Variants in IGSF22 observed in about 807,000 individuals in gnomAD.
IGSF22 encodes immunoglobulin superfamily member 22.
Under a neutral mutation model 127.0 loss-of-function variants are expected in IGSF22, and 119 were observed. The observed-to-expected ratio is 0.94, with a 90% confidence interval of 0.81 to 1.09. The LOEUF (loss-of-function observed/expected upper bound fraction) is 1.09. Among genes scored for constraint, IGSF22 ranks in the 50% least tolerant of loss-of-function variants. IGSF22 has a pLI of 0.00. For missense variants in IGSF22, 1,518 were observed against 1,716.6 expected, an observed-to-expected ratio of 0.88 and a Z score of 2.04; for synonymous variants, 568 against 664.7, an observed-to-expected ratio of 0.85 and a Z score of 2.24.
intron 7 of IGSF22, among the ~76,000 whole-genome samples, chr11:18,718,965 A>G (rs1032547811): frequency 1.3e-5 from 2 of 152,208 alleles, no homozygotes; most frequent in Admixed American, 1.3e-4. Context: ...GGCCCATTAT[A>G]TAGATTCCCT....
rs373428403 is a variant in IGSF22, at chr11:18,713,987, C to T, written c.1960G>A (p.Val654Met). The part of the protein sequence containing the change: ...DGMEVTEEER[V>M]SMERGEDQAL... ...TGGTCTTCCCCGCGCTCCATGGACA[C>T]GCGTTCCTCCTCCGTCACTTCCATG... is the stretch of plus-strand genomic sequence containing the variant. Residue 654 changes from valine (V) to methionine (M), a missense_variant, in exon 14 of 23, where the codon GTG (valine) becomes ATG (methionine). Coordinates refer to ENST00000513874, the MANE Select transcript of IGSF22 (RefSeq NM_173588.4). The T allele has an allele frequency of 2.6e-5, 42 of 1,614,152 alleles. No homozygotes were observed. The highest frequency in any genetic ancestry group is 2.0e-4 in the East Asian group (9 of 44,898).
chr11:18,722,617 G>GA (rs1325979740), intron 2 of IGSF22, among the ~76,000 whole-genome samples: 1 of 49,574 alleles, frequency 2.0e-5, no homozygotes, highest in Non-Finnish European at 4.9e-5. Context: ...TTTATATTTG[G>GA]AAAACAAAAA....
In IGSF22 at chr11:18,719,795, A is replaced by G. The variant is rs1250804637; in HGVS notation, c.617T>C (p.Val206Ala). 6.2e-7 allele frequency: 1 copy of G among 1,614,140 alleles called. No individual in the cohort carries two copies. Among genetic ancestry groups the G allele is most frequent in the Admixed American group, 1.7e-5 (1 of 60,014 alleles). ...SKVPKKDFEK[V>A]CMEYGFTDFR... is the part of the protein sequence containing the mutation. ...GTCGGTGAAACCATACTCCATGCAC[A>G]CCTTCTCAAAGTCTTTCTTGGGCAC... Residue 206 changes from valine to alanine, a missense_variant, in exon 7 of 23, where the codon GTG becomes GCG. Around this residue, in one of 3 missense-constraint regions of IGSF22, gnomAD observed 1,456 missense variants for 1,644.9 expected, o/e 0.89. Coordinates refer to ENST00000513874, the MANE Select transcript of IGSF22 (RefSeq NM_173588.4).
Position 18,705,802 on chromosome 11 carries a change from C to T in IGSF22, c.3910+15G>A, listed in dbSNP as rs1848214042. ...CTCTCCCCCTCCTCGAGGCCGGACC[C>T]CGCGGCGCCCTCACCATAGACGGTG... On this transcript the variant is annotated intron_variant, in intron 22 of 22. Transcript: ENST00000513874. 1 of 1,526,002 alleles carries T rather than the reference C, an allele frequency of 6.6e-7. No homozygotes were observed. Among genetic ancestry groups the T allele is most frequent in the East Asian group, 2.5e-5 (1 of 40,504 alleles). 94.5% of individuals were successfully genotyped at this position (1,526,002 alleles called of 1,614,324 possible).
intron 2 of IGSF22, 84 bp from the exon 3 acceptor site, chr11:18,722,125 G>A (rs984708435): frequency 1.1e-5 from 16 of 1,513,638 alleles, no homozygotes; most frequent in Admixed American, 3.4e-5. Context: ...TTGAGAGGAC[G>A]GTGGAGCATG....
chr11:18,704,429 C>T lies in IGSF22; in HGVS notation c.*39G>A, dbSNP rs778568677. The T allele has an allele frequency of 1.3e-5, 18 of 1,434,122 alleles. No homozygotes were observed. In the South Asian group the frequency reaches 2.2e-4, roughly 18 times the overall value. The allele number at this position is 1,434,122 out of a possible 1,614,324, so 88.8% of individuals were successfully genotyped here. ...GCAGAGGACAGGCCAAGAAACTCCA[C>T]ATCATAACAGCCTCCTGATGCCTGG... On this transcript the variant is annotated 3_prime_UTR_variant, in exon 23 of 23. Coordinates refer to ENST00000513874, the MANE Select transcript of IGSF22 (RefSeq NM_173588.4).
chr11:18,706,212 A>C (rs1401564593), intron 21 of IGSF22, 66 bp from the exon 22 acceptor site: 7 of 1,421,324 alleles, frequency 4.9e-6, no homozygotes, highest in Non-Finnish European at 4.7e-6. Flanking sequence ...CCCACGTCTT[A>C]CAGTTCAGCT....
rs75496492 is a variant in IGSF22, at chr11:18,718,841, C to T, written c.697-113G>A. 1.2e-3 allele frequency: 839 copies of T among 683,366 alleles called. 8 individuals carry two copies. In the African/African-American group the frequency reaches 0.014, roughly 11 times the overall value. 42.3% of individuals were successfully genotyped at this position (683,366 alleles called of 1,614,324 possible). On this transcript the variant is annotated intron_variant, in intron 7 of 22. Coordinates refer to ENST00000513874, the MANE Select transcript of IGSF22 (RefSeq NM_173588.4). ...GCATGTGGGGAGAAATGACTAGGCT[C>T]ATTAGATAACAACGTGCAGTGCTCC...
chr11:18,719,183 C>A (rs1848516878), intron 7 of IGSF22, among the ~76,000 whole-genome samples: 1 of 152,138 alleles, frequency 6.6e-6, no homozygotes, highest in African/African-American at 2.4e-5. Context: ...CTTGCTCTGT[C>A]ACCCAGGCTG....
intron 4 of IGSF22, among the ~76,000 whole-genome samples, chr11:18,721,000 C>T (rs1193358357): frequency 2.0e-5 from 3 of 152,164 alleles, no homozygotes; most frequent in Non-Finnish European, 4.4e-5. Flanking sequence ...TCCCTTTCCT[C>T]GAAGGGCCTG....
chr11:18,715,817 C>T lies in IGSF22; in HGVS notation c.1247-101G>A, dbSNP rs966946350. The T allele has an allele frequency of 1.2e-5, 15 of 1,292,854 alleles. No homozygotes were observed. The African/African-American group carries it at 2.2e-4, about 19-fold the overall frequency. The allele number at this position is 1,292,854 out of a possible 1,614,324, so 80.1% of individuals were successfully genotyped here. Reference sequence around the variant, plus strand: ...TGTCCCTCTTTCTGTCCCCAGAAAACACAAGAACTTGTGATGCTGAATGTG... The same window carrying T: ...TGTCCCTCTTTCTGTCCCCAGAAAATACAAGAACTTGTGATGCTGAATGTG... On this transcript the variant is annotated intron_variant, in intron 10 of 22. Transcript: ENST00000513874.
intron 11 of IGSF22, 127 bp from the exon 12 acceptor site, chr11:18,714,751 T>C: frequency 8.1e-7 from 1 of 1,236,294 alleles, no homozygotes; most frequent in South Asian, 1.5e-5. Context: ...TAATTTATGA[T>C]GAGCAGGCGG....
intron 19 of IGSF22, 50 bp from the exon 20 acceptor site, chr11:18,708,046 G>A (rs368109807): frequency 6.2e-7 from 1 of 1,602,332 alleles, no homozygotes; most frequent in Admixed American, 1.7e-5. Flanking sequence ...TGATATTTGG[G>A]GGCAGGCCTT....
At chr11:18,715,395 G>A (rs3887900) in intron 11 of IGSF22, 37 bp downstream of exon 11, 1,094,906 of 1,577,112 alleles carry the variant, frequency 0.69, 383,979 homozygotes, top group East Asian at 0.77. Context: ...CAGGGTCAGG[G>A]GGATTGGTCA....
chr11:18,707,275 C>T (rs1848258612), intron 20 of IGSF22, 62 bp from the exon 21 acceptor site: 1 of 1,390,550 alleles, frequency 7.2e-7, no homozygotes, highest in Non-Finnish European at 9.6e-7. Context: ...GTCCCCACCC[C>T]AGCCATCTGC....
intron 18 of IGSF22, among the ~76,000 whole-genome samples, chr11:18,708,506 T>G (rs907453140): frequency 2.0e-5 from 3 of 152,222 alleles, no homozygotes; most frequent in African/African-American, 7.2e-5. Flanking sequence ...GGAAGGCAAG[T>G]CCTTGTGTCT....
At position 18,707,858 on chromosome 11, in the gene IGSF22, A is replaced by G. The variant is rs775295411; in HGVS notation, c.3226T>C (p.Leu1076=). Residue 1076 remains leucine (L), a synonymous_variant, in exon 20 of 23, where the codon TTG becomes CTG. Coordinates refer to ENST00000513874, the MANE Select transcript of IGSF22 (RefSeq NM_173588.4). ...KRSDSGVYRI[L]LQNEFGEARY... ...GCTTCTCCAAACTCATTCTGAAGCA[A>G]GATTCGGTACACCCCTGAGTCAGAG... is the stretch of plus-strand genomic sequence containing the variant. 6.2e-7 allele frequency: 1 copy of G among 1,613,716 alleles called. No individual in the cohort carries two copies. Among genetic ancestry groups the G allele is most frequent in the Admixed American group, 1.7e-5 (1 of 59,932 alleles).
In IGSF22 at chr11:18,714,390, A is replaced by T; in HGVS notation, c.1685T>A (p.Val562Glu). 1 of 1,613,992 alleles carries T rather than the reference A, an allele frequency of 6.2e-7. No individual in the cohort carries two copies. Among genetic ancestry groups the T allele is most frequent in the Non-Finnish European group, 8.5e-7 (1 of 1,179,856 alleles). ...EITDLPGMQI[V>E]KQGAVHKLIF... ...GAGCTTGTGCACTGCACCCTGCTTC[A>T]CAATCTGCATGCCTGGCAAGTCCGT... Residue 562 changes from valine to glutamate, a missense_variant, in exon 13 of 23, where the codon GTG becomes GAG. Val to Glu is a moderately radical substitution (Grantham distance 121). This residue lies in a region of IGSF22 where 1,456 missense variants were observed against 1,644.9 expected (regional missense o/e 0.89). Transcript: ENST00000513874.
chr11:18,713,879 T>C lies in IGSF22; in HGVS notation c.2068A>G (p.Thr690Ala), dbSNP rs200753328. The change falls in exon 14 of 23, where the codon ACG becomes GCG. Residue 690 changes from threonine (T) to alanine (A), a missense_variant. Physicochemically the swap from Thr to Ala is moderately conservative, Grantham distance 58. Coordinates refer to ENST00000513874, the MANE Select transcript of IGSF22 (RefSeq NM_173588.4). ...AGCACACTAAGGTGCAGAGTGGCCG[T>C]GGCTGAGCCGTGGTCATTCTTGAGC... ...LKLKNDHGSA[T>A]ATLHLSVLDR... The C allele has an allele frequency of 3.0e-4, 478 of 1,614,036 alleles. 1 individual carries two copies. The African/African-American group carries it at 5.8e-3, about 20-fold the overall frequency.
Sources: allele counts gnomAD v4.1 joint callset (sites outside exome capture counted in the v4.1 genomes callset), GRCh38; gene constraint gnomAD v4.1.1; regional missense constraint gnomAD v4.1.1; transcripts MANE v1.5; gene names NCBI Gene and HGNC (gene_info 2026-07-23, HGNC 2026-07-21).